The following GABRG3 variants were observed in gnomAD, a reference collection of about 807,000 sequenced individuals.
GABRG3 encodes gamma-aminobutyric acid type A receptor subunit gamma3, also known as gamma-aminobutyric acid receptor subunit gamma-3.
A neutral mutation model predicts 48.8 loss-of-function variants in GABRG3; 25 were observed. The observed-to-expected ratio is 0.51, with a 90% confidence interval of 0.37 to 0.72. The LOEUF (loss-of-function observed/expected upper bound fraction) is 0.72, where lower values mean the gene tolerates loss of function less well. Ranked by LOEUF, GABRG3 falls within the 30% of genes least tolerant of loss-of-function variation. The probability of loss-of-function intolerance (pLI) is 0.00; values close to 1 mark genes in which losing one functional copy is unlikely to be tolerated. For synonymous variants in GABRG3, 227 were observed against 217.6 expected (o/e 1.04, Z -0.38); for missense variants, 394 against 577.9 (o/e 0.68, Z 3.26).
intron 3 of GABRG3, among the ~76,000 whole-genome samples, chr15:27,147,171 T>C (rs1440522696): frequency 6.6e-6 from 1 of 151,932 alleles, no homozygotes; most frequent in Non-Finnish European, 1.5e-5. Context: ...TTTAACACTA[T>C]AGGAGGCAAA....
chr15:27,272,554 A>G (rs2088692988), intron 3 of GABRG3, among the ~76,000 whole-genome samples: 1 of 152,242 alleles, frequency 6.6e-6, no homozygotes, highest in Non-Finnish European at 1.5e-5. Context: ...GTGTTTTTGT[A>G]TTTTTTTGAA....
chr15:27,362,137 T>C (rs1895044928), intron 5 of GABRG3, among the ~76,000 whole-genome samples: 1 of 152,214 alleles, frequency 6.6e-6, no homozygotes, highest in African/African-American at 2.4e-5. Flanking sequence ...CTGGATGTTC[T>C]CCCAAGCTAT....
At chr15:27,422,128 A>T (rs1460418739) in intron 5 of GABRG3, among the ~76,000 whole-genome samples, 3 of 150,478 alleles carry the variant, frequency 2.0e-5, no homozygotes, top group Non-Finnish European at 3.0e-5. Context: ...CATATCCACC[A>T]ATACTGGGTG....
At chr15:27,069,477 T>C (rs1437036552) in intron 3 of GABRG3, among the ~76,000 whole-genome samples, 1 of 152,212 alleles carries the variant, frequency 6.6e-6, no homozygotes, top group East Asian at 1.9e-4. Flanking sequence ...CAGGTAACTG[T>C]ACACTGTCAG....
intron 6 of GABRG3, among the ~76,000 whole-genome samples, chr15:27,515,385 G>C (rs1443014612): frequency 6.6e-6 from 1 of 152,048 alleles, no homozygotes; most frequent in Non-Finnish European, 1.5e-5. Context: ...GAGCCACCGC[G>C]ACCGGCTGGA....
intron 3 of GABRG3, among the ~76,000 whole-genome samples, chr15:27,249,211 G>A (rs984059035): frequency 5.3e-5 from 8 of 152,152 alleles, no homozygotes; most frequent in African/African-American, 1.9e-4. Flanking sequence ...GGGAGTGCGT[G>A]GCGCTCCGGG....
intron 5 of GABRG3, among the ~76,000 whole-genome samples, chr15:27,397,982 T>A (rs535590430): frequency 7.9e-5 from 12 of 152,032 alleles, no homozygotes; most frequent in African/African-American, 2.9e-4. Context: ...ATTTTTGTAT[T>A]TTTAGTTGAG....
At chr15:27,181,690 T>C (rs1467777380) in intron 3 of GABRG3, among the ~76,000 whole-genome samples, 1 of 152,182 alleles carries the variant, frequency 6.6e-6, no homozygotes, top group Non-Finnish European at 1.5e-5. Flanking sequence ...ATATACACAC[T>C]TTAAGTGGCT....
At chr15:27,183,642 T>C (rs934579719) in intron 3 of GABRG3, among the ~76,000 whole-genome samples, 1 of 152,222 alleles carries the variant, frequency 6.6e-6, no homozygotes, top group South Asian at 2.1e-4. Flanking sequence ...TCAGAAGTAA[T>C]GCACAAGCAT....
rs115692269 is a variant in GABRG3, at chr15:27,541,163, C to A, written c.*8282C>A. On this transcript the variant is annotated 3_prime_UTR_variant, in exon 10 of 10. Coordinates refer to ENST00000615808, the MANE Select transcript of GABRG3 (RefSeq NM_033223.5). Reference sequence around the variant, plus strand: ...ACACAAGCCTGCCTCCTTTGGAGAGCCCTTGAGCATCACTGTTGTGACCGG... The same window carrying A: ...ACACAAGCCTGCCTCCTTTGGAGAGACCTTGAGCATCACTGTTGTGACCGG... The A allele has an allele frequency of 0.027, 4,141 of 152,308 alleles. 134 individuals carry two copies. The highest frequency in any genetic ancestry group is 0.088 in the African/African-American group (3,659 of 41,546). The allele number at this position is 152,308 out of a possible 1,614,324, so 9.4% of individuals were successfully genotyped here. A position where few individuals can be genotyped will look rare whatever the true frequency, so the allele number is the denominator to read the frequency against.
intron 3 of GABRG3, among the ~76,000 whole-genome samples, chr15:27,314,814 T>G (rs1241052063): frequency 6.6e-6 from 1 of 152,190 alleles, no homozygotes; most frequent in Non-Finnish European, 1.5e-5. Context: ...GAAAAATAGT[T>G]AAAGCATGAT....
intron 3 of GABRG3, among the ~76,000 whole-genome samples, chr15:27,106,960 C>T (rs1292970049): frequency 6.6e-6 from 1 of 152,016 alleles, no homozygotes; most frequent in Non-Finnish European, 1.5e-5. Context: ...GCCTAGATAG[C>T]TTCACAAAAC....
At chr15:27,194,901 T>C (rs1310000813) in intron 3 of GABRG3, among the ~76,000 whole-genome samples, 1 of 152,206 alleles carries the variant, frequency 6.6e-6, no homozygotes, top group African/African-American at 2.4e-5. Flanking sequence ...AAGTTAACTC[T>C]TTTGAAATTG....
chr15:27,095,412 G>C (rs964765417), intron 3 of GABRG3, among the ~76,000 whole-genome samples: 1 of 152,158 alleles, frequency 6.6e-6, no homozygotes, highest in Admixed American at 6.5e-5. Context: ...CTTGCGACAG[G>C]TGTGGGAAAC....
At position 27,293,572 on chromosome 15, in the gene GABRG3, A is replaced by G. The variant is rs548791103; in HGVS notation, c.271-33237A>G. ...ATGCCTGTAATCCCAGCTACTTGGG[A>G]GGCTGAAGCAAGAGAATTGCTTGAA... On this transcript the variant is annotated intron_variant, in intron 3 of 9. Transcript: ENST00000615808. Among the ~76,000 whole-genome samples the G allele has an allele frequency of 1.7e-4, 26 of 152,186 alleles. No individual in the cohort carries two copies. The East Asian group carries it at 4.1e-3, about 24-fold the overall frequency.
chr15:27,010,901 A>G (rs1895673519), intron 2 of GABRG3, among the ~76,000 whole-genome samples: 1 of 152,086 alleles, frequency 6.6e-6, no homozygotes, highest in Admixed American at 6.6e-5. Flanking sequence ...GGTGGAGTGC[A>G]ATGGCGTAAT....
At position 27,480,643 on chromosome 15, in the gene GABRG3, T is replaced by G. The variant is rs1399766918; in HGVS notation, c.575-7T>G. ...TTCAAGTGCTAATGTTTGCTCTGTG[T>G]TTTTAGATGGCTATCCCAAAGAAGA... On this transcript the variant is annotated splice_region_variant and splice_polypyrimidine_tract_variant and intron_variant, in intron 5 of 9. Transcript: ENST00000615808. 1.2e-6 allele frequency: 2 copies of G among 1,606,366 alleles called. No individual in the cohort carries two copies. The highest frequency in any genetic ancestry group is 8.5e-7 in the Non-Finnish European group (1 of 1,175,604).
At chr15:27,209,384 C>CTTTCTTTCTTTTCTTTTT (rs1888994770) in intron 3 of GABRG3, among the ~76,000 whole-genome samples, 1 of 151,360 alleles carries the variant, frequency 6.6e-6, no homozygotes, top group Non-Finnish European at 1.5e-5. Context: ...CTTTTCTTTT[C>CTTTCTTTCTTTTCTTTTT]TTTCTTTCTT....
At chr15:27,354,499 C>T (rs973731696) in intron 5 of GABRG3, among the ~76,000 whole-genome samples, 3 of 152,198 alleles carry the variant, frequency 2.0e-5, no homozygotes, top group Admixed American at 6.5e-5. Flanking sequence ...TCCAAGTCCC[C>T]GTGTGGGTGG....
Sources: gnomAD v4.1 joint callset for allele counts (sites outside exome capture counted in the v4.1 genomes callset) on GRCh38, gnomAD v4.1.1 for gene constraint, MANE v1.5 for transcripts, NCBI Gene and HGNC (gene_info 2026-07-23, HGNC 2026-07-21) for gene names.